The following SLC22A11 variants were observed in gnomAD, a reference collection of about 807,000 sequenced individuals.
SLC22A11 encodes the protein solute carrier family 22 member 11, also known as organic anion transporter 4.
A neutral mutation model predicts 49.4 loss-of-function variants in SLC22A11; 42 were observed. The ratio of observed to expected loss-of-function variants is 0.85; its 90% CI spans 0.66 to 1.10. SLC22A11 has a LOEUF of 1.10. Among genes scored for constraint, SLC22A11 ranks in the 50% least tolerant of loss-of-function variants. The probability of loss-of-function intolerance (pLI) is 0.00; values close to 1 mark genes in which losing one functional copy is unlikely to be tolerated. For missense variants in SLC22A11, 685 were observed against 731.6 expected, an observed-to-expected ratio of 0.94 and a Z score of 0.74; for synonymous variants, 304 against 315.8, an observed-to-expected ratio of 0.96 and a Z score of 0.40.
Position 64,564,501 on chromosome 11 carries a change from A to C in SLC22A11, c.942+73A>C. The C allele has an allele frequency of 1.3e-6, 2 of 1,569,684 alleles. No individual in the cohort carries two copies. The highest frequency in any genetic ancestry group is 1.2e-5 in the South Asian group (1 of 85,428). ...TGAGGGATCATCCGTGTGGCCTCCAACAGCACCACCCACTCCAGCACCACC... is the reference window on the plus strand; with the variant it reads ...TGAGGGATCATCCGTGTGGCCTCCACCAGCACCACCCACTCCAGCACCACC... On this transcript the variant is annotated intron_variant, in intron 5 of 9. Transcript: ENST00000301891. This position sits in a 1 kb window ranked among gnomAD's most constrained non-coding sequence, Gnocchi z 4.2.
In SLC22A11 at chr11:64,564,054, G is replaced by C. The variant is rs1282216404; in HGVS notation, c.822-254G>C. 1.3e-5 allele frequency among the ~76,000 whole-genome samples: 2 copies of C among 152,156 alleles called. No homozygotes were observed. The highest frequency in any genetic ancestry group is 1.3e-4 in the Admixed American group (2 of 15,288). On this transcript the variant is annotated intron_variant, in intron 4 of 9. Coordinates refer to ENST00000301891, the MANE Select transcript of SLC22A11 (RefSeq NM_018484.4). This position sits in a 1 kb window ranked among gnomAD's most constrained non-coding sequence, Gnocchi z 4.2. ...CCTGGCTGTGTGCAGGGCTCAGGTG[G>C]GCAGGCCCCGGGCAGCCAGGCGAGC...
In SLC22A11 at chr11:64,556,099, C is replaced by G. The variant is rs1449438172; in HGVS notation, c.100C>G (p.Gln34Glu). 7 of 1,614,190 alleles carry G rather than the reference C, an allele frequency of 4.3e-6. No homozygotes were observed. Among genetic ancestry groups the G allele is most frequent in the Non-Finnish European group, 5.9e-6 (7 of 1,180,042 alleles). ...CCTCCCCTGCCTCATGATACCTTCC[C>G]AGATGCTCCTGGAGAACTTCTCAGC... Reference protein sequence around the residue: ...FILPCLMIPSQMLLENFSAAI... With the variant: ...FILPCLMIPSEMLLENFSAAI... Residue 34 changes from glutamine (Q) to glutamate (E), a missense_variant, in exon 1 of 10, where the codon CAG becomes GAG. Transcript: ENST00000301891.
At chr11:64,569,617 G>C in intron 8 of SLC22A11, 35 bp from the exon 9 acceptor site, 1 of 1,592,010 alleles carries the variant, frequency 6.3e-7, no homozygotes, top group South Asian at 1.1e-5. Context: ...AGGGCCAGCT[G>C]TTACAGGGAT....
At position 64,562,375 on chromosome 11, in the gene SLC22A11, A is replaced by G; in HGVS notation, c.761A>G (p.Asp254Gly). The G allele has an allele frequency of 6.2e-7, 1 of 1,608,926 alleles. No homozygotes were observed. The highest frequency in any genetic ancestry group is 8.5e-7 in the Non-Finnish European group (1 of 1,177,396). ...ALGGLAFALR[D>G]WRTLQLAASV... Reference sequence around the variant, plus strand: ...GGCGGCCTGGCCTTTGCCCTGCGGGACTGGAGGACTCTCCAGCTGGCAGCA... The same window carrying G: ...GGCGGCCTGGCCTTTGCCCTGCGGGGCTGGAGGACTCTCCAGCTGGCAGCA... Residue 254 changes from aspartate to glycine, a missense_variant, in exon 4 of 10, where the codon GAC becomes GGC. Asp to Gly is a moderately conservative substitution (Grantham distance 94, BLOSUM62 -1). Transcript: ENST00000301891. The surrounding 1 kb of genome is among the most constrained non-coding windows in gnomAD (Gnocchi z 4.4).
At chr11:64,569,171 G>A (rs186772997) in intron 8 of SLC22A11, among the ~76,000 whole-genome samples, 1 of 152,284 alleles carries the variant, frequency 6.6e-6, no homozygotes, top group East Asian at 1.9e-4. Flanking sequence ...TGGAAAACCA[G>A]TGGTCTAGAG....
Position 64,562,405 on chromosome 11 carries a change from T to C in SLC22A11, c.791T>C (p.Val264Ala). 2 of 1,593,926 alleles carry C rather than the reference T, an allele frequency of 1.3e-6. No homozygotes were observed. Among genetic ancestry groups the C allele is most frequent in the South Asian group, 2.2e-5 (2 of 89,588 alleles). The stretch of plus-strand genomic sequence containing the variant: ...AGGACTCTCCAGCTGGCAGCATCAG[T>C]GCCCTTCTTTGCCATCTCCCTGATA... ...DWRTLQLAAS[V>A]PFFAISLISW... The change falls in exon 4 of 10, where the codon GTG becomes GCG. Residue 264 changes from valine to alanine, a missense_variant. Val to Ala is a moderately conservative substitution (Grantham distance 64). Transcript: ENST00000301891. This position sits in a 1 kb window ranked among gnomAD's most constrained non-coding sequence, Gnocchi z 4.4.
In SLC22A11 at chr11:64,556,141, C is replaced by T. The variant is rs35008345; in HGVS notation, c.142C>T (p.Arg48Ter). ...CTTCTCAGCCGCCATCCCAGGCCAC[C>T]GATGCTGGACACACATGCTGGACAA... ...ENFSAAIPGH[R>*]CWTHMLDNGS... Residue 48 changes from arginine (R) to a stop codon, truncating the protein, a stop_gained, in exon 1 of 10, where the codon CGA (arginine) becomes TGA (stop). Transcript: ENST00000301891. LOFTEE classifies it high-confidence loss of function. 4.1e-3 allele frequency: 6,618 copies of T among 1,614,162 alleles called. 22 individuals carry two copies. Among genetic ancestry groups the T allele is most frequent in the Non-Finnish European group, 4.7e-3 (5,563 of 1,180,020 alleles).
chr11:64,561,634 T>C (rs7929308), intron 2 of SLC22A11, among the ~76,000 whole-genome samples: 60,563 of 150,424 alleles, frequency 0.4, 13,686 homozygotes, highest in Non-Finnish European at 0.52. Flanking sequence ...TTTATTTATT[T>C]ATTTATTTAT....
chr11:64,560,026 C>G (rs538449319), intron 2 of SLC22A11, among the ~76,000 whole-genome samples: 1 of 150,938 alleles, frequency 6.6e-6, no homozygotes, highest in South Asian at 2.1e-4. Flanking sequence ...CCTCCTGCCT[C>G]TCTTCCTGTT....
intron 6 of SLC22A11, 137 bp from the exon 7 acceptor site, chr11:64,567,453 TCTGGGATCG>T: frequency 2.7e-6 from 2 of 744,874 alleles, no homozygotes; most frequent in Non-Finnish European, 4.5e-6. Context: ...TTGGCAGGCT[TCTGGGATCG>T]CTGGCCGAGA....
intron 8 of SLC22A11, 150 bp downstream of exon 8, chr11:64,568,928 C>A: frequency 1.5e-6 from 1 of 672,806 alleles, no homozygotes; most frequent in Non-Finnish European, 2.6e-6. Flanking sequence ...AGAGTCTCGA[C>A]CCAGACAGAA....
At chr11:64,566,928 G>T (rs1171780353) in intron 6 of SLC22A11, among the ~76,000 whole-genome samples, 1 of 152,138 alleles carries the variant, frequency 6.6e-6, no homozygotes, top group African/African-American at 2.4e-5. Flanking sequence ...TCAGCTACTC[G>T]TGAGCCAGTG....
rs1366260048 is a variant in SLC22A11, at chr11:64,562,315, T to A, written c.701T>A (p.Val234Glu). ...TSRRAVTMTV[V>E]GCAFSAGQAA... is the part of the protein sequence containing the mutation. ...AGGAGGGCGGTCACCATGACGGTGG[T>A]GGGATGTGCCTTCAGCGCAGGCCAG... Residue 234 changes from valine to glutamate, a missense_variant, in exon 4 of 10, where the codon GTG becomes GAG. Val to Glu is a moderately radical substitution (Grantham distance 121). Transcript: ENST00000301891. The surrounding 1 kb of genome is among the most constrained non-coding windows in gnomAD (Gnocchi z 4.4). The A allele has an allele frequency of 1.9e-6, 3 of 1,611,180 alleles. No homozygotes were observed. The highest frequency in any genetic ancestry group is 2.2e-5 in the East Asian group (1 of 44,772).
At position 64,556,029 on chromosome 11, in the gene SLC22A11, C is replaced by T. The variant is rs779604207; in HGVS notation, c.30C>T (p.Ala10=). The T allele has an allele frequency of 6.2e-6, 10 of 1,612,198 alleles. No homozygotes were observed. The East Asian group carries it at 6.7e-5, about 11-fold the overall frequency. MAFSKLLEQ[A]GGVGLFQTLQ... ...CGTTCTCGAAGCTCTTGGAGCAAGC[C>T]GGAGGCGTGGGCCTCTTCCAGACCC... Residue 10 remains alanine (A), a synonymous_variant, in exon 1 of 10, where the codon GCC becomes GCT. Coordinates refer to ENST00000301891, the MANE Select transcript of SLC22A11 (RefSeq NM_018484.4).
At position 64,569,662 on chromosome 11, in the gene SLC22A11, G is replaced by C. The variant is rs932204903; in HGVS notation, c.1393G>C (p.Asp465His). ...CCCCTTCACCCACAGGATGACAGCA[G>C]ATGGCATTCTGCATACAGTGGGCCG... ...LFPTPVRMTA[D>H]GILHTVGRLG... Residue 465 changes from aspartate (D) to histidine (H), a missense_variant, in exon 9 of 10, where the codon GAT becomes CAT. Transcript: ENST00000301891. The C allele has an allele frequency of 3.7e-6, 6 of 1,614,002 alleles. No homozygotes were observed. Among genetic ancestry groups the C allele is most frequent in the Non-Finnish European group, 5.1e-6 (6 of 1,179,958 alleles).
At chr11:64,557,593 C>T (rs143358371) in intron 1 of SLC22A11, among the ~76,000 whole-genome samples, 24 of 147,278 alleles carry the variant, frequency 1.6e-4, no homozygotes, top group African/African-American at 5.5e-4. Context: ...GAAGCAGGTG[C>T]GGGGACATGC....
intron 4 of SLC22A11, among the ~76,000 whole-genome samples, chr11:64,563,610 T>TCAAAAAAAA (rs2038580887): frequency 2.3e-5 from 1 of 43,842 alleles, no homozygotes; most frequent in Non-Finnish European, 3.8e-5. Context: ...TTAAATGTGC[T>TCAAAAAAAA]AAAAAAAAAA....
rs367710176 is a variant in SLC22A11, at chr11:64,570,659, C to T, written c.1590-320C>T. Among the ~76,000 whole-genome samples the T allele has an allele frequency of 1.2e-4, 18 of 152,232 alleles. No individual in the cohort carries two copies. In the East Asian group the frequency reaches 1.7e-3, roughly 15 times the overall value. On this transcript the variant is annotated intron_variant, in intron 9 of 9. Transcript: ENST00000301891. Reference sequence around the variant, plus strand: ...ATTGTTTTATGTCACCTTATTTAATCGATACAACAACCACATGAGGTGCTA... The same window carrying T: ...ATTGTTTTATGTCACCTTATTTAATTGATACAACAACCACATGAGGTGCTA...
At position 64,571,487 on chromosome 11, in the gene SLC22A11, C is replaced by CA. The variant is rs2135428564; in HGVS notation, c.*446dup. 6.1e-6 allele frequency: 1 copy of CA among 162,816 alleles called. No homozygotes were observed. Among genetic ancestry groups the CA allele is most frequent in the East Asian group, 1.8e-4 (1 of 5,598 alleles). The allele number at this position is 162,816 out of a possible 1,614,324, so 10.1% of individuals were successfully genotyped here. A position where few individuals can be genotyped will look rare whatever the true frequency, so the allele number is the denominator to read the frequency against. ...AGGTATCAGGGTGAACTGATCTTAGCACCGGCCAAATAAATGGAACCTGCT... is the reference window on the plus strand; with the variant it reads ...AGGTATCAGGGTGAACTGATCTTAGCAACCGGCCAAATAAATGGAACCTGCT... On this transcript the variant is annotated 3_prime_UTR_variant, in exon 10 of 10. Transcript: ENST00000301891.
Sources: allele counts gnomAD v4.1 joint callset (sites outside exome capture counted in the v4.1 genomes callset), GRCh38; gene constraint gnomAD v4.1.1; non-coding constraint Gnocchi (gnomAD v3.1); transcripts MANE v1.5; gene names NCBI Gene and HGNC (gene_info 2026-07-23, HGNC 2026-07-21).